Variants in NRXN3 observed in about 807,000 individuals in gnomAD.
The protein encoded by NRXN3 is neurexin 3.
Under a neutral mutation model 137.6 loss-of-function variants are expected in NRXN3, and 32 were observed. The observed-to-expected ratio is 0.23, with a 90% CI of 0.18 to 0.31. The LOEUF (loss-of-function observed/expected upper bound fraction) is 0.31. Ranked by LOEUF, NRXN3 falls within the 10% of genes least tolerant of loss-of-function variation. The probability of loss-of-function intolerance (pLI) is 1.00; values close to 1 mark genes in which losing one functional copy is unlikely to be tolerated. For synonymous variants in NRXN3, 798 were observed against 784.5 expected (o/e 1.02, Z -0.29); for missense variants, 1,574 against 2,062.5 (o/e 0.76, Z 4.59).
In NRXN3 at chr14:78,587,748, T is replaced by G. The variant is rs143353137; in HGVS notation, c.758-57372T>G. Among the ~76,000 whole-genome samples, 29 of 152,358 alleles carry G rather than the reference T, an allele frequency of 1.9e-4. No homozygotes were observed. In the East Asian group the frequency reaches 5.6e-3, roughly 29 times the overall value. On this transcript the variant is annotated intron_variant, in intron 4 of 20. Transcript: ENST00000335750. ...TTGTAGGATATCAACCATTTTAAACTTTTTCTTAAAGACTCAGGGCATCAT... is the reference window on the plus strand; with the variant it reads ...TTGTAGGATATCAACCATTTTAAACGTTTTCTTAAAGACTCAGGGCATCAT...
Position 78,967,269 on chromosome 14 carries a change from C to T in NRXN3, c.2839C>T (p.Arg947Cys), listed in dbSNP as rs776750366. 22 of 1,613,582 alleles carry T rather than the reference C, an allele frequency of 1.4e-5. No homozygotes were observed. The highest frequency in any genetic ancestry group is 8.3e-5 in the Admixed American group (5 of 59,960). Residue 947 changes from arginine to cysteine, a missense_variant, in exon 13 of 21, where the codon CGC (arginine) becomes TGC (cysteine). Coordinates refer to ENST00000335750, the MANE Select transcript of NRXN3 (RefSeq NM_001330195.2). The part of the protein sequence containing the change: ...GPNVIKGNSD[R>C]PLNDNQWHNV... ...CAATGTGATCAAAGGCAACAGTGAC[C>T]GCCCCCTGAATGACAACCAGTGGCA...
chr14:78,617,127 T>C (rs999976032), intron 4 of NRXN3, among the ~76,000 whole-genome samples: 1 of 152,160 alleles, frequency 6.6e-6, no homozygotes, highest in African/African-American at 2.4e-5. Context: ...GATATGTATA[T>C]ATATTTTTTT....
intron 3 of NRXN3, among the ~76,000 whole-genome samples, 164 bp downstream of exon 3, chr14:78,278,826 T>A (rs2073988813): frequency 6.6e-6 from 1 of 152,258 alleles, no homozygotes; most frequent in African/African-American, 2.4e-5. Context: ...TGGATTTGTA[T>A]TGGTTTTGAA....
intron 14 of NRXN3, among the ~76,000 whole-genome samples, chr14:78,973,853 G>A (rs1598095035): frequency 6.6e-6 from 1 of 152,110 alleles, no homozygotes; most frequent in African/African-American, 2.4e-5. Flanking sequence ...AGTAGTTAAG[G>A]CAAAGGTAAC....
intron 19 of NRXN3, among the ~76,000 whole-genome samples, chr14:79,798,555 C>A (rs964266135): frequency 1.3e-5 from 2 of 152,154 alleles, no homozygotes; most frequent in African/African-American, 4.8e-5. Flanking sequence ...GATCATCATT[C>A]TTGAGTGTGT....
At chr14:79,736,069 A>T (rs890743704) in intron 19 of NRXN3, among the ~76,000 whole-genome samples, 4 of 152,042 alleles carry the variant, frequency 2.6e-5, no homozygotes, top group Admixed American at 2.0e-4. Context: ...CACCACTTAC[A>T]TTTCTCAACA....
intron 15 of NRXN3, among the ~76,000 whole-genome samples, chr14:79,401,243 C>A (rs560342132): frequency 6.6e-6 from 1 of 152,276 alleles, no homozygotes; most frequent in East Asian, 1.9e-4. Flanking sequence ...TCTCACAAGC[C>A]TTAGTCATTA....
intron 15 of NRXN3, among the ~76,000 whole-genome samples, chr14:79,117,252 A>C (rs969989793): frequency 7.2e-5 from 11 of 152,198 alleles, no homozygotes. Flanking sequence ...CACACATTTC[A>C]TAAAAGATCT....
chr14:79,653,448 C>T (rs148518408), intron 16 of NRXN3, among the ~76,000 whole-genome samples: 27 of 152,286 alleles, frequency 1.8e-4, no homozygotes, highest in South Asian at 4.1e-4. Flanking sequence ...ATTTTCCAAA[C>T]GAAATGTGAT....
intron 10 of NRXN3, among the ~76,000 whole-genome samples, chr14:78,905,761 AT>A (rs2099214166): frequency 6.6e-6 from 1 of 152,044 alleles, no homozygotes; most frequent in African/African-American, 2.4e-5. Context: ...GCATATTAAT[AT>A]TTTCCCAATT....
chr14:78,201,164 T>G (rs2061641272), intron 1 of NRXN3, among the ~76,000 whole-genome samples: 1 of 152,210 alleles, frequency 6.6e-6, no homozygotes, highest in Non-Finnish European at 1.5e-5. Flanking sequence ...GAAGAATCTC[T>G]CAGGGCACTG....
At chr14:79,754,851 C>T (rs2099013775) in intron 19 of NRXN3, among the ~76,000 whole-genome samples, 1 of 151,858 alleles carries the variant, frequency 6.6e-6, no homozygotes. Context: ...TGAGTTCTCA[C>T]AAGATCTGAT....
intron 16 of NRXN3, among the ~76,000 whole-genome samples, chr14:79,503,426 G>T (rs1398954571): frequency 6.6e-6 from 1 of 152,138 alleles, no homozygotes; most frequent in African/African-American, 2.4e-5. Flanking sequence ...TTCACGTACA[G>T]GGACCGCGTT....
At chr14:78,237,121 T>A (rs1215203631) in intron 1 of NRXN3, among the ~76,000 whole-genome samples, 1 of 152,022 alleles carries the variant, frequency 6.6e-6, no homozygotes, top group African/African-American at 2.4e-5. Context: ...CATGGGCAAA[T>A]GGGTGTGGAG....
intron 4 of NRXN3, among the ~76,000 whole-genome samples, chr14:78,311,155 GT>G (rs1395586649): frequency 3.3e-5 from 5 of 152,146 alleles, no homozygotes; most frequent in African/African-American, 7.2e-5. Context: ...GCTACACAGT[GT>G]TAAATAATAA....
chr14:78,967,130 A>AT, intron 12 of NRXN3, 78 bp from the exon 13 acceptor site: 2 of 1,229,422 alleles, frequency 1.6e-6, no homozygotes, highest in Non-Finnish European at 2.3e-6. Context: ...GAAGCCCACT[A>AT]TGTCAGTTAC....
intron 4 of NRXN3, among the ~76,000 whole-genome samples, chr14:78,594,948 T>C (rs980428018): frequency 6.6e-6 from 1 of 152,228 alleles, no homozygotes; most frequent in South Asian, 2.1e-4. Flanking sequence ...TACTTACTTA[T>C]TCAATAAATA....
intron 15 of NRXN3, among the ~76,000 whole-genome samples, chr14:79,456,271 G>T (rs987191613): frequency 1.2e-4 from 18 of 152,084 alleles, no homozygotes; most frequent in African/African-American, 4.3e-4. Context: ...AATCATCATG[G>T]TCATTCTTTG....
At chr14:79,758,509 C>T (rs917876905) in intron 19 of NRXN3, among the ~76,000 whole-genome samples, 7 of 152,310 alleles carry the variant, frequency 4.6e-5, no homozygotes, top group Middle Eastern at 3.4e-3. Context: ...CCAAGCCATT[C>T]ATGCGGGATC....
Sources: allele counts gnomAD v4.1 joint callset (sites outside exome capture counted in the v4.1 genomes callset), GRCh38; gene constraint gnomAD v4.1.1; transcripts MANE v1.5; gene names NCBI Gene and HGNC (gene_info 2026-07-23, HGNC 2026-07-21).